Variants in RANGAP1 observed in about 807,000 individuals in gnomAD.
The protein encoded by RANGAP1 is Ran GTPase activating protein 1, also known as ran GTPase-activating protein 1.
Under a neutral mutation model 63.5 loss-of-function variants are expected in RANGAP1, and 38 were observed. The observed-to-expected ratio is 0.60, with a 90% confidence interval of 0.46 to 0.78. The LOEUF is 0.78. RANGAP1 is among the 30% of genes least tolerant of loss of function. The probability of loss-of-function intolerance (pLI) is 0.00; values close to 1 mark genes in which losing one functional copy is unlikely to be tolerated. For missense variants in RANGAP1, 630 were observed against 740.3 expected (o/e 0.85, Z 1.73); for synonymous variants, 329 against 310.5 (o/e 1.06, Z -0.63).
At chr22:41,298,726 C>G in the RANGAP1 span, among the ~76,000 whole-genome samples, 1 of 151,928 alleles carries the variant, frequency 6.6e-6, no homozygotes, top group African/African-American at 2.4e-5. Flanking sequence ...GTCTCAAACT[C>G]CTGGGCTCAA....
chr22:41,284,651 C>G (rs9623369), intron 1 of RANGAP1, among the ~76,000 whole-genome samples: 6,737 of 151,992 alleles, frequency 0.044, 495 homozygotes, highest in African/African-American at 0.15. Context: ...GTGGGCGGAT[C>G]GATTGAGCAC....
At chr22:41,288,920 ATTT>A (rs10657576), upstream of RANGAP1, among the ~76,000 whole-genome samples, 5 of 111,116 alleles carry the variant, frequency 4.5e-5, no homozygotes, top group South Asian at 6.0e-4. Flanking sequence ...CTATATCCTG[ATTT>A]TTTTTTTTTT....
At chr22:41,249,276 G>A in intron 15 of RANGAP1, 54 bp downstream of exon 15, 1 of 1,541,314 alleles carries the variant, frequency 6.5e-7, no homozygotes. Flanking sequence ...CTTCAGACCT[G>A]GCCAGAGAAG....
chr22:41,268,253 A>G, intron 3 of RANGAP1, 97 bp from the exon 4 acceptor site: 2 of 1,071,106 alleles, frequency 1.9e-6, no homozygotes, highest in Non-Finnish European at 2.8e-6. Context: ...AGAGCATCAC[A>G]AGACTTTTTT....
In RANGAP1 at chr22:41,278,041, T is replaced by TG. The variant is rs1311279037; in HGVS notation, c.112+2891_112+2892insC. On this transcript the variant is annotated intron_variant, in intron 2 of 15. Transcript: ENST00000356244. Reference sequence around the variant, plus strand: ...TTTCAGAGCCAGCCAAACTTGAGTTTTTTTTTTTTTTTTTTGAGATAGTCT... The same window carrying TG: ...TTTCAGAGCCAGCCAAACTTGAGTTTGTTTTTTTTTTTTTTTGAGATAGTCT... Among the ~76,000 whole-genome samples the TG allele has an allele frequency of 4.8e-3, 724 of 150,332 alleles. 4 individuals are homozygous for TG. The highest frequency in any genetic ancestry group is 0.021 in the Middle Eastern group (6 of 292).
At chr22:41,275,519 G>T (rs889695014) in intron 2 of RANGAP1, among the ~76,000 whole-genome samples, 1 of 151,952 alleles carries the variant, frequency 6.6e-6, no homozygotes, top group Non-Finnish European at 1.5e-5. Flanking sequence ...GGTGGCATAC[G>T]CCTGTAATCC....
chr22:41,300,718 G>A, the RANGAP1 span, among the ~76,000 whole-genome samples: 3,170 of 151,616 alleles, frequency 0.021, 91 homozygotes, highest in African/African-American at 0.072. Context: ...TGATCCACCC[G>A]TCTTGGCCTC....
intron 4 of RANGAP1, among the ~76,000 whole-genome samples, chr22:41,266,746 C>T (rs1276578089): frequency 6.6e-6 from 1 of 152,218 alleles, no homozygotes; most frequent in Non-Finnish European, 1.5e-5. Context: ...GTTGGCCAGG[C>T]TGGTCTCCAA....
At chr22:41,273,172 C>T (rs995307208) in intron 3 of RANGAP1, among the ~76,000 whole-genome samples, 15 of 152,088 alleles carry the variant, frequency 9.9e-5, no homozygotes, top group Non-Finnish European at 1.9e-4. Context: ...CAGTCTCTTC[C>T]CTGGTTGCTG....
chr22:41,261,717 C>G (rs2034180118), intron 5 of RANGAP1, 137 bp from the exon 6 acceptor site: 1 of 975,104 alleles, frequency 1.0e-6, no homozygotes, highest in Non-Finnish European at 1.5e-6. Context: ...CTGCTAACAG[C>G]TCAACAGTCA....
Position 41,280,959 on chromosome 22 carries a change from C to A in RANGAP1, c.86G>T (p.Ser29Ile). The change falls in exon 2 of 16, where the codon AGC becomes ATC. Residue 29 changes from serine (S) to isoleucine (I), a missense_variant. Physicochemically the swap from Ser to Ile is moderately radical, Grantham distance 142. Coordinates refer to ENST00000356244, the MANE Select transcript of RANGAP1 (RefSeq NM_002883.4). ...ATCTTCTGCAGTGTTGAGTTTGAGGCTCTTGCCTTTGAAACTCAGCTGTCC... is the reference window on the plus strand; with the variant it reads ...ATCTTCTGCAGTGTTGAGTTTGAGGATCTTGCCTTTGAAACTCAGCTGTCC... ...AGGQLSFKGK[S>I]LKLNTAEDAK... The A allele has an allele frequency of 6.2e-7, 1 of 1,614,082 alleles. No homozygotes were observed. Among genetic ancestry groups the A allele is most frequent in the Non-Finnish European group, 8.5e-7 (1 of 1,180,056 alleles).
intron 6 of RANGAP1, among the ~76,000 whole-genome samples, chr22:41,260,715 C>T (rs1286144384): frequency 3.3e-5 from 5 of 152,102 alleles, no homozygotes; most frequent in African/African-American, 7.2e-5. Flanking sequence ...GGTGTGGTGG[C>T]GGGTGCCCGT....
At chr22:41,285,815 GC>G in intron 1 of RANGAP1, 170 bp downstream of exon 1, 1 of 690,740 alleles carries the variant, frequency 1.4e-6, no homozygotes, top group Non-Finnish European at 1.8e-6. Context: ...AGGAGCCAGC[GC>G]CGCTCAACAA....
chr22:41,256,912 C>A lies in RANGAP1; in HGVS notation c.775-88G>T, dbSNP rs1006895561. The A allele has an allele frequency of 3.3e-6, 3 of 914,918 alleles. No individual in the cohort carries two copies. In the African/African-American group the frequency reaches 4.9e-5, roughly 15 times the overall value. The allele number at this position is 914,918 out of a possible 1,614,324, so 56.7% of individuals were successfully genotyped here. A position where few individuals can be genotyped will look rare whatever the true frequency, so the allele number is the denominator to read the frequency against. Reference sequence around the variant, plus strand: ...CCCGGGGGCCCCACACGGTCACATCCCAAGCCAGCCACCACACACTGTCCT... The same window carrying A: ...CCCGGGGGCCCCACACGGTCACATCACAAGCCAGCCACCACACACTGTCCT... On this transcript the variant is annotated intron_variant, in intron 7 of 15. Transcript: ENST00000356244.
At chr22:41,263,988 T>C (rs921596890) in intron 5 of RANGAP1, among the ~76,000 whole-genome samples, 1 of 152,236 alleles carries the variant, frequency 6.6e-6, no homozygotes, top group Non-Finnish European at 1.5e-5. Flanking sequence ...GTATTGCATA[T>C]TCAAATAAGA....
At chr22:41,284,428 G>A (rs766664186) in intron 1 of RANGAP1, among the ~76,000 whole-genome samples, 3 of 151,194 alleles carry the variant, frequency 2.0e-5, no homozygotes, top group South Asian at 2.1e-4. Flanking sequence ...TTAACCGGGC[G>A]TGGTGGCACA....
rs373406131 is a variant in RANGAP1 at position 41,256,257 on chromosome 22, C to T, written c.922G>A (p.Asp308Asn). The stretch of plus-strand genomic sequence containing the variant: ...GCCTCAGCAACAGCCAGGGCAGCAT[C>T]CCTCTTGATTTCACAGAATGACAAG... ...LNLSFCEIKR[D>N]AALAVAEAMA... Residue 308 changes from aspartate (D) to asparagine (N), a missense_variant, in exon 9 of 16, where the codon GAT (aspartate) becomes AAT (asparagine). By Grantham distance (23) the Asp-to-Asn change is conservative. Transcript: ENST00000356244. 9.9e-6 allele frequency: 16 copies of T among 1,614,006 alleles called. No individual in the cohort carries two copies. The Admixed American group carries it at 2.7e-4, about 27-fold the overall frequency.
Position 41,244,798 on chromosome 22 carries a change from A to G in RANGAP1, c.*1805T>C, listed in dbSNP as rs908579930. On this transcript the variant is annotated 3_prime_UTR_variant, in exon 16 of 16. Transcript: ENST00000356244. ...GAAATCTATCATTTTAACCATTTTT[A>G]TGTGTACAATTCAGTGCATTAAGTA... Among the ~76,000 whole-genome samples, 4 of 152,204 alleles carry G rather than the reference A, an allele frequency of 2.6e-5. No homozygotes were observed. The highest frequency in any genetic ancestry group is 7.2e-5 in the African/African-American group (3 of 41,464).
At chr22:41,288,975 T>C (rs970525337), upstream of RANGAP1, among the ~76,000 whole-genome samples, 2 of 140,390 alleles carry the variant, frequency 1.4e-5, no homozygotes, top group African/African-American at 2.7e-5. Context: ...CAGGCTGGAG[T>C]GCAGTGGTGC....
Sources: allele counts gnomAD v4.1 joint callset (sites outside exome capture counted in the v4.1 genomes callset), GRCh38; gene constraint gnomAD v4.1.1; transcripts MANE v1.5; gene names NCBI Gene and HGNC (gene_info 2026-07-23, HGNC 2026-07-21).